The following ZSWIM6 variants were observed in gnomAD, a reference collection of about 807,000 sequenced individuals.
The protein encoded by ZSWIM6 is zinc finger SWIM-type containing 6.
ZSWIM6 carries 9 observed loss-of-function variants against 113.2 expected under a neutral mutation model. That is an observed-to-expected ratio of 0.08 (90% CI 0.05 to 0.14). ZSWIM6 has a LOEUF of 0.14. Among genes scored for constraint, ZSWIM6 ranks in the 10% least tolerant of loss-of-function variants. ZSWIM6 has a pLI of 1.00. For synonymous variants in ZSWIM6, 611 were observed against 606.5 expected, an observed-to-expected ratio of 1.01 and a Z score of -0.11; for missense variants, 1,162 against 1,552.2, an observed-to-expected ratio of 0.75 and a Z score of 4.22.
chr5:61,348,260 G>C (rs1395071668), intron 1 of ZSWIM6, among the ~76,000 whole-genome samples: 2 of 152,024 alleles, frequency 1.3e-5, no homozygotes, highest in African/African-American at 2.4e-5. Context: ...AAAGAATGTA[G>C]TTTGTATTTT....
chr5:61,540,932 T>TG (rs1749715075), intron 12 of ZSWIM6, among the ~76,000 whole-genome samples: 1 of 108,302 alleles, frequency 9.2e-6, no homozygotes, highest in African/African-American at 3.7e-5. Flanking sequence ...TTTTTTTTTT[T>TG]TTTTTGTTGT....
chr5:61,487,733 C>A (rs777237517), intron 2 of ZSWIM6, among the ~76,000 whole-genome samples: 5 of 152,168 alleles, frequency 3.3e-5, no homozygotes, highest in East Asian at 1.9e-4. Flanking sequence ...ATTTTGCATC[C>A]TGCAACTTTA....
Position 61,332,688 on chromosome 5 carries a change from A to G in ZSWIM6, c.416A>G (p.Asp139Gly). 2.0e-6 allele frequency: 2 copies of G among 1,017,802 alleles called. No individual in the cohort carries two copies. The highest frequency in any genetic ancestry group is 2.4e-6 in the Non-Finnish European group (2 of 845,880). The allele number at this position is 1,017,802 out of a possible 1,614,324, so 63.0% of individuals were successfully genotyped here. ...GGCGGCGCCGCGGGCGGCCCCGGCG[A>G]CGACAGCGGTGGCGGCGGCGGCGCG... is the stretch of plus-strand genomic sequence containing the variant. ...TGGGAAGGPG[D>G]DSGGGGGAGG... The change falls in exon 1 of 14, where the codon GAC becomes GGC. Residue 139 changes from aspartate to glycine, a missense_variant. Coordinates refer to ENST00000252744, the MANE Select transcript of ZSWIM6 (RefSeq NM_020928.2).
intron 4 of ZSWIM6, among the ~76,000 whole-genome samples, chr5:61,515,276 A>G (rs1429022686): frequency 6.6e-6 from 1 of 152,074 alleles, no homozygotes; most frequent in Non-Finnish European, 1.5e-5. Context: ...TTACAGGCAC[A>G]TGCCACTATG....
In ZSWIM6 at chr5:61,544,227, C is replaced by T; in HGVS notation, c.3558C>T (p.His1186=). The part of the protein sequence containing the change: ...RETFLMAHDG[H]IQFTQFIDNL... ...CCTTCTTAATGGCGCATGATGGACA[C>T]ATTCAGTTTACACAGTTTATTGACA... Residue 1186 remains histidine, a synonymous_variant, in exon 14 of 14, where the codon CAC becomes CAT. Coordinates refer to ENST00000252744, the MANE Select transcript of ZSWIM6 (RefSeq NM_020928.2). The T allele has an allele frequency of 6.4e-7, 1 of 1,551,230 alleles. No homozygotes were observed. Among genetic ancestry groups the T allele is most frequent in the Non-Finnish European group, 8.7e-7 (1 of 1,146,920 alleles).
rs1561194243 is a variant in ZSWIM6 at position 61,332,769 on chromosome 5, CAA to C, written c.498_499del (p.Thr167LeufsTer86). On this transcript the variant is annotated frameshift_variant, in exon 1 of 14. Transcript: ENST00000252744. LOFTEE classifies it high-confidence loss of function. ...TCCCCGGCCGCAACCTCGGCGGCCG[CAA>C]CCTCGGCCGCCGCCGCCGCTGCCGC... 66 of 746,964 alleles carry C rather than the reference CAA, an allele frequency of 8.8e-5. No homozygotes were observed. Among genetic ancestry groups the C allele is most frequent in the African/African-American group, 5.9e-4 (26 of 43,890 alleles). The allele number at this position is 746,964 out of a possible 1,614,324, so 46.3% of individuals were successfully genotyped here.
intron 1 of ZSWIM6, among the ~76,000 whole-genome samples, chr5:61,441,748 C>T (rs72761449): frequency 1.3e-5 from 2 of 152,246 alleles, no homozygotes; most frequent in African/African-American, 2.4e-5. Context: ...CACAGGTTAG[C>T]CTTCTCACAT....
rs184454815 is a variant in ZSWIM6, at chr5:61,380,919, C to T, written c.676+47971C>T. Among the ~76,000 whole-genome samples, 1,357 of 147,944 alleles carry T rather than the reference C, an allele frequency of 9.2e-3. 6 individuals are homozygous for T. Among genetic ancestry groups the T allele is most frequent in the Non-Finnish European group, 0.014 (921 of 67,380 alleles). ...AGTTAAGAAAGCCTGGGCAACATGG[C>T]GACACGCAGTTTCTAGTACAGAAAA... is the stretch of plus-strand genomic sequence containing the variant. On this transcript the variant is annotated intron_variant, in intron 1 of 13. Coordinates refer to ENST00000252744, the MANE Select transcript of ZSWIM6 (RefSeq NM_020928.2).
At chr5:61,420,655 G>T (rs1344681150) in intron 1 of ZSWIM6, among the ~76,000 whole-genome samples, 1 of 152,080 alleles carries the variant, frequency 6.6e-6, no homozygotes, top group Non-Finnish European at 1.5e-5. Flanking sequence ...TGATTATAAT[G>T]ATGATTAATT....
At chr5:61,346,600 A>G (rs1022704993) in intron 1 of ZSWIM6, among the ~76,000 whole-genome samples, 1 of 152,224 alleles carries the variant, frequency 6.6e-6, no homozygotes, top group Non-Finnish European at 1.5e-5. Flanking sequence ...AGTCATGTAA[A>G]TTGATGTGAG....
At chr5:61,335,212 G>GT (rs1289349120) in intron 1 of ZSWIM6, among the ~76,000 whole-genome samples, 1 of 152,278 alleles carries the variant, frequency 6.6e-6, no homozygotes, top group East Asian at 1.9e-4. Flanking sequence ...GTGAAGTGGT[G>GT]TGATGTTTCT....
intron 1 of ZSWIM6, among the ~76,000 whole-genome samples, chr5:61,341,427 A>G (rs910978550): frequency 1.3e-5 from 2 of 152,178 alleles, no homozygotes; most frequent in African/African-American, 4.8e-5. Context: ...TGTGGTCTTT[A>G]TTTAGAAGTT....
chr5:61,532,839 G>C (rs567109371), intron 9 of ZSWIM6, among the ~76,000 whole-genome samples: 1 of 152,164 alleles, frequency 6.6e-6, no homozygotes, highest in Admixed American at 6.5e-5. Context: ...GAGTGATCCT[G>C]ATTCTTCAGT....
chr5:61,412,966 ATT>A (rs70977844), intron 1 of ZSWIM6, among the ~76,000 whole-genome samples: 2 of 147,294 alleles, frequency 1.4e-5, no homozygotes, highest in African/African-American at 2.5e-5. Flanking sequence ...GAAATTAGAG[ATT>A]TTTTTTTTTA....
intron 1 of ZSWIM6, chr5:61,374,975 G>C (rs1005229494): frequency 6.9e-6 from 6 of 873,636 alleles, no homozygotes; most frequent in Non-Finnish European, 8.9e-6. Context: ...AATTAATATA[G>C]AAATGAGCAT....
intron 1 of ZSWIM6, among the ~76,000 whole-genome samples, chr5:61,346,808 GA>G (rs1323158274): frequency 2.6e-5 from 4 of 152,118 alleles, no homozygotes; most frequent in African/African-American, 9.7e-5. Flanking sequence ...TAAATAGCAG[GA>G]AATTCCAAAG....
At chr5:61,412,094 C>T (rs1301070496) in intron 1 of ZSWIM6, among the ~76,000 whole-genome samples, 1 of 152,184 alleles carries the variant, frequency 6.6e-6, no homozygotes, top group East Asian at 1.9e-4. Flanking sequence ...GGTAAATCTA[C>T]AGTTTCTATT....
Position 61,402,247 on chromosome 5 carries a change from G to A in ZSWIM6, c.676+69299G>A, listed in dbSNP as rs753623818. ...TGTAGAATTAAAGAACCTTAGAAAA[G>A]ATGACTATGAAAATTTTAAGTACAT... On this transcript the variant is annotated intron_variant, in intron 1 of 13. Coordinates refer to ENST00000252744, the MANE Select transcript of ZSWIM6 (RefSeq NM_020928.2). 2.6e-5 allele frequency among the ~76,000 whole-genome samples: 4 copies of A among 152,234 alleles called. No individual in the cohort carries two copies. The East Asian group carries it at 7.7e-4, about 29-fold the overall frequency.
At chr5:61,366,347 G>A (rs568290710) in intron 1 of ZSWIM6, among the ~76,000 whole-genome samples, 14 of 152,312 alleles carry the variant, frequency 9.2e-5, no homozygotes, top group Admixed American at 2.0e-4. Context: ...GCCGTGCCAC[G>A]TTTTAGTGTG....
Sources: gnomAD v4.1 joint callset for allele counts (sites outside exome capture counted in the v4.1 genomes callset) on GRCh38, gnomAD v4.1.1 for gene constraint, MANE v1.5 for transcripts, NCBI Gene and HGNC (gene_info 2026-07-23, HGNC 2026-07-21) for gene names.